Variants in SRGAP3 observed in about 807,000 individuals in gnomAD.
SRGAP3 encodes SLIT-ROBO Rho GTPase activating protein 3.
Under a neutral mutation model 121.1 loss-of-function variants are expected in SRGAP3, and 39 were observed. The ratio of observed to expected loss-of-function variants is 0.32; its 90% CI spans 0.25 to 0.42. The LOEUF is 0.42. Ranked by LOEUF, SRGAP3 falls within the 10% of genes least tolerant of loss-of-function variation. The pLI, the probability that SRGAP3 is intolerant of heterozygous loss-of-function variation, is 1.00. For missense variants in SRGAP3, 1,213 were observed against 1,470.6 expected (o/e 0.82, Z 2.86); for synonymous variants, 601 against 570.0 (o/e 1.05, Z -0.77).
intron 3 of SRGAP3, among the ~76,000 whole-genome samples, chr3:9,292,418 C>A (rs1222008854): frequency 1.3e-5 from 2 of 152,132 alleles, no homozygotes; most frequent in Non-Finnish European, 2.9e-5. Context: ...TCCATGAAGC[C>A]TTCTCTGCCT....
At chr3:8,992,755 C>A (rs2124938016) in intron 20 of SRGAP3, 151 bp downstream of exon 20, 2 of 1,430,694 alleles carry the variant, frequency 1.4e-6, no homozygotes, top group African/African-American at 1.4e-5. Context: ...TGGGCCAATG[C>A]CAGCCAGCCC....
rs148377623 is a variant in SRGAP3 at position 9,067,396 on chromosome 3, G to A, written c.487-2815C>T. ...TGGAAAGACGGCTTCTCTGCGTTCC[G>A]TCCATTTTTGCTCATTTGCGATCTC... On this transcript the variant is annotated intron_variant, in intron 4 of 21. Transcript: ENST00000383836. 2.3e-3 allele frequency among the ~76,000 whole-genome samples: 342 copies of A among 151,852 alleles called. 2 individuals are homozygous for A. The highest frequency in any genetic ancestry group is 7.7e-3 in the African/African-American group (319 of 41,386).
In SRGAP3 at chr3:9,249,410, A is replaced by ACTCGCACGCACC. The variant is rs530349649; in HGVS notation, c.-460_-459insGGTGCGTGCGAG. Reference sequence around the variant, plus strand: ...CACACGCACACACACTCGCTGGATCACTCACACACACACATCCACGAGAGG... The same window carrying ACTCGCACGCACC: ...CACACGCACACACACTCGCTGGATCACTCGCACGCACCCTCACACACACACATCCACGAGAGG... On this transcript the variant is annotated 5_prime_UTR_variant, in exon 1 of 22. Coordinates refer to ENST00000383836, the MANE Select transcript of SRGAP3 (RefSeq NM_014850.4). The ACTCGCACGCACC allele has an allele frequency of 7.6e-6, 2 of 262,152 alleles. No homozygotes were observed. Among genetic ancestry groups the ACTCGCACGCACC allele is most frequent in the Admixed American group, 4.9e-5 (1 of 20,348 alleles). The allele number at this position is 262,152 out of a possible 1,614,324, so 16.2% of individuals were successfully genotyped here.
intron 1 of SRGAP3, among the ~76,000 whole-genome samples, chr3:9,355,107 T>C (rs1448065673): frequency 2.6e-5 from 4 of 152,238 alleles, no homozygotes; most frequent in Admixed American, 6.5e-5. Context: ...CAGCAGGACA[T>C]GGTTACTCTA....
At chr3:9,227,942 T>C (rs1953050116) in intron 1 of SRGAP3, among the ~76,000 whole-genome samples, 2 of 152,052 alleles carry the variant, frequency 1.3e-5, no homozygotes, top group Non-Finnish European at 2.9e-5. Context: ...CATGGTGAAG[T>C]TTGAAAGGAT....
intron 3 of SRGAP3, among the ~76,000 whole-genome samples, chr3:9,304,337 C>A (rs1955121025): frequency 6.6e-6 from 1 of 152,184 alleles, no homozygotes; most frequent in Non-Finnish European, 1.5e-5. Context: ...TTATTCTCAG[C>A]AATCCAGAGA....
intron 10 of SRGAP3, 94 bp from the exon 11 acceptor site, chr3:9,038,184 T>A: frequency 6.7e-7 from 1 of 1,498,532 alleles, no homozygotes; most frequent in Non-Finnish European, 9.2e-7. Flanking sequence ...CAATGAGTCT[T>A]AATTATTTAT....
At chr3:8,988,480 G>A (rs1431640414) in intron 21 of SRGAP3, among the ~76,000 whole-genome samples, 3 of 152,098 alleles carry the variant, frequency 2.0e-5, no homozygotes, top group Non-Finnish European at 4.4e-5. Flanking sequence ...AGTGAAAGGG[G>A]GTCTTGGATG....
chr3:8,997,608 G>A (rs1942482497), intron 18 of SRGAP3, among the ~76,000 whole-genome samples: 1 of 152,042 alleles, frequency 6.6e-6, no homozygotes, highest in Admixed American at 6.6e-5. Flanking sequence ...TCCTTCACTA[G>A]CTCAATCTGC....
At chr3:9,317,573 G>A (rs1955369203) in intron 3 of SRGAP3, among the ~76,000 whole-genome samples, 1 of 152,196 alleles carries the variant, frequency 6.6e-6, no homozygotes, top group Admixed American at 6.5e-5. Flanking sequence ...AGCTAAAGCT[G>A]GTCAAGTGTC....
chr3:9,011,895 G>T (rs1055243760), intron 17 of SRGAP3, among the ~76,000 whole-genome samples: 4 of 152,172 alleles, frequency 2.6e-5, no homozygotes, highest in Non-Finnish European at 5.9e-5. Flanking sequence ...GAAAAGTGTG[G>T]TTATTGTATA....
At chr3:9,011,967 T>C (rs1034221992) in intron 17 of SRGAP3, among the ~76,000 whole-genome samples, 1 of 152,246 alleles carries the variant, frequency 6.6e-6, no homozygotes, top group Non-Finnish European at 1.5e-5. Flanking sequence ...ATTACATATA[T>C]TGCAGCAAGA....
At chr3:9,221,659 T>C (rs1952819271) in intron 1 of SRGAP3, among the ~76,000 whole-genome samples, 1 of 151,962 alleles carries the variant, frequency 6.6e-6, no homozygotes, top group African/African-American at 2.4e-5. Context: ...TCTGGCTCTG[T>C]CCATGCTGAT....
intron 1 of SRGAP3, among the ~76,000 whole-genome samples, chr3:9,185,427 C>T (rs1457437896): frequency 6.6e-6 from 1 of 152,162 alleles, no homozygotes; most frequent in Non-Finnish European, 1.5e-5. Context: ...CATCTGTGAA[C>T]TGGGCTGACT....
At chr3:8,996,305 G>A (rs1942397867) in intron 18 of SRGAP3, among the ~76,000 whole-genome samples, 1 of 152,146 alleles carries the variant, frequency 6.6e-6, no homozygotes, top group Non-Finnish European at 1.5e-5. Flanking sequence ...AGAGCAGGAG[G>A]AGGAAACTCC....
At chr3:9,082,273 G>A (rs1329201965) in intron 3 of SRGAP3, among the ~76,000 whole-genome samples, 1 of 152,194 alleles carries the variant, frequency 6.6e-6, no homozygotes, top group African/African-American at 2.4e-5. Flanking sequence ...GCAGAACTGT[G>A]AGCCAATTAA....
At chr3:9,216,280 G>A (rs1378715192) in intron 1 of SRGAP3, among the ~76,000 whole-genome samples, 2 of 152,182 alleles carry the variant, frequency 1.3e-5, no homozygotes, top group African/African-American at 4.8e-5. Context: ...TCCCCCACAA[G>A]GGGAATACAA....
chr3:9,047,563 A>C, intron 9 of SRGAP3, 88 bp from the exon 10 acceptor site: 1 of 1,326,930 alleles, frequency 7.5e-7, no homozygotes, highest in East Asian at 2.4e-5. Context: ...GGGACACGGA[A>C]GCCGAACAGA....
chr3:9,017,806 G>C (rs1559923237), intron 14 of SRGAP3, among the ~76,000 whole-genome samples: 2 of 152,036 alleles, frequency 1.3e-5, no homozygotes. Flanking sequence ...ATCAAGTCAG[G>C]GTATTTGAGG....
Sources: allele counts gnomAD v4.1 joint callset (sites outside exome capture counted in the v4.1 genomes callset), GRCh38; gene constraint gnomAD v4.1.1; transcripts MANE v1.5; gene names NCBI Gene and HGNC (gene_info 2026-07-23, HGNC 2026-07-21).